The following MRTFA variants were observed in gnomAD, a reference collection of about 807,000 sequenced individuals.
MRTFA encodes myocardin related transcription factor A, also known as myocardin-related transcription factor A.
Under a neutral mutation model 83.5 loss-of-function variants are expected in MRTFA, and 20 were observed. The observed-to-expected ratio is 0.24, with a 90% CI of 0.17 to 0.35. The LOEUF (loss-of-function observed/expected upper bound fraction) is 0.35, where lower values mean the gene tolerates loss of function less well. MRTFA is among the 10% of genes least tolerant of loss of function. MRTFA has a pLI of 1.00. For synonymous variants in MRTFA, 659 were observed against 541.2 expected (o/e 1.22, Z -3.02); for missense variants, 1,200 against 1,224.7 (o/e 0.98, Z 0.30).
At chr22:40,508,513 CAAAAAAA>C (rs1175724448) in intron 3 of MRTFA, among the ~76,000 whole-genome samples, 10 of 26,066 alleles carry the variant, frequency 3.8e-4, no homozygotes, top group Admixed American at 1.5e-3. Flanking sequence ...CTCCGTCTCT[CAAAAAAA>C]AAAAAAAAAA....
Position 40,423,685 on chromosome 22 carries a change from C to A in MRTFA, c.778G>T (p.Val260Phe). ...CGGCCCATCGGAAGTTGAGACACAA[C>A]CTGAGAGGGAAAAAGGGAAGTGAGG... Residue 260 changes from valine (V) to phenylalanine (F), a missense_variant and splice_region_variant, in exon 9 of 15, where the codon GTT (valine) becomes TTT (phenylalanine). Coordinates refer to ENST00000355630, the MANE Select transcript of MRTFA (RefSeq NM_020831.6). 6.5e-7 allele frequency: 1 copy of A among 1,542,892 alleles called. No individual in the cohort carries two copies. The highest frequency in any genetic ancestry group is 8.8e-7 in the Non-Finnish European group (1 of 1,140,684).
At chr22:40,558,007 C>G (rs1211580536) in intron 2 of MRTFA, among the ~76,000 whole-genome samples, 2 of 151,342 alleles carry the variant, frequency 1.3e-5, no homozygotes, top group Non-Finnish European at 2.9e-5. Context: ...CTCCTGGACT[C>G]AAGTGAGCCA....
chr22:40,602,982 A>G (rs1451512957), intron 1 of MRTFA, among the ~76,000 whole-genome samples: 1 of 152,232 alleles, frequency 6.6e-6, no homozygotes, highest in Non-Finnish European at 1.5e-5. Flanking sequence ...TTTACAAGAC[A>G]GTACTTAATC....
intron 5 of MRTFA, among the ~76,000 whole-genome samples, chr22:40,432,814 G>T (rs778583752): frequency 6.6e-6 from 1 of 152,190 alleles, no homozygotes; most frequent in Non-Finnish European, 1.5e-5. Context: ...GTGGGCTCTG[G>T]CTCTATCACC....
intron 3 of MRTFA, among the ~76,000 whole-genome samples, chr22:40,527,674 G>C (rs560842153): frequency 2.0e-5 from 3 of 151,324 alleles, no homozygotes; most frequent in Non-Finnish European, 2.9e-5. Context: ...CAGGAGAATG[G>C]AGTGAACCCA....
At chr22:40,604,813 C>T (rs190329593) in intron 1 of MRTFA, among the ~76,000 whole-genome samples, 11 of 152,214 alleles carry the variant, frequency 7.2e-5, no homozygotes, top group Middle Eastern at 3.4e-3. Context: ...CTATTCAGCA[C>T]GATCACCATG....
At chr22:40,543,526 C>T (rs1208110746) in intron 3 of MRTFA, among the ~76,000 whole-genome samples, 1 of 152,176 alleles carries the variant, frequency 6.6e-6, no homozygotes, top group African/African-American at 2.4e-5. Context: ...CCTCAGATTA[C>T]AGACACACAT....
chr22:40,443,829 C>T (rs1005174169), intron 4 of MRTFA, among the ~76,000 whole-genome samples: 1 of 152,106 alleles, frequency 6.6e-6, no homozygotes, highest in African/African-American at 2.4e-5. Flanking sequence ...TAACAAACAC[C>T]CCTCCCTATC....
chr22:40,458,510 G>A (rs1451866282), intron 4 of MRTFA, among the ~76,000 whole-genome samples: 1 of 152,184 alleles, frequency 6.6e-6, no homozygotes, highest in East Asian at 1.9e-4. Context: ...GGGAACCACT[G>A]AAGCACACTG....
intron 7 of MRTFA, 131 bp downstream of exon 7, chr22:40,429,475 T>TC: frequency 9.3e-7 from 1 of 1,070,400 alleles, no homozygotes; most frequent in Non-Finnish European, 1.4e-6. Context: ...GTGCCTTGGT[T>TC]CTCCCAAGGC....
chr22:40,488,793 A>C (rs1346222367), intron 3 of MRTFA, among the ~76,000 whole-genome samples: 1 of 151,972 alleles, frequency 6.6e-6, no homozygotes, highest in Non-Finnish European at 1.5e-5. Flanking sequence ...AGATGGCGCC[A>C]CTGCACTCCA....
intron 2 of MRTFA, among the ~76,000 whole-genome samples, chr22:40,584,526 TG>T (rs746747218): frequency 1.3e-5 from 2 of 148,402 alleles, no homozygotes; most frequent in Non-Finnish European, 3.0e-5. Flanking sequence ...CACCTGAGGT[TG>T]GGAGTTTGAG....
At chr22:40,497,684 C>T (rs1269085516) in intron 3 of MRTFA, among the ~76,000 whole-genome samples, 1 of 151,272 alleles carries the variant, frequency 6.6e-6, no homozygotes, top group African/African-American at 2.4e-5. Context: ...ACTTGGGAGG[C>T]GGAGGTTGCA....
At chr22:40,634,263 T>A (rs2056671246) in intron 1 of MRTFA, among the ~76,000 whole-genome samples, 1 of 152,120 alleles carries the variant, frequency 6.6e-6, no homozygotes, top group South Asian at 2.1e-4. Flanking sequence ...ATTCTTTAAC[T>A]TTTTTGTGGA....
chr22:40,432,589 C>T (rs1212222570), intron 5 of MRTFA, among the ~76,000 whole-genome samples: 2 of 151,402 alleles, frequency 1.3e-5, no homozygotes, highest in Non-Finnish European at 2.9e-5. Context: ...TGGATCAAGA[C>T]CAGCATAGGA....
rs376181765 is a variant in MRTFA, at chr22:40,611,359, T to G, written c.-83-16624A>C. On this transcript the variant is annotated intron_variant, in intron 1 of 14. Coordinates refer to ENST00000355630, the MANE Select transcript of MRTFA (RefSeq NM_020831.6). Reference sequence around the variant, plus strand: ...TCGAGTGATCCTCCTGCTTCAGCCTTCCAAGTAGCTAGAACTAAAGGCACT... The same window carrying G: ...TCGAGTGATCCTCCTGCTTCAGCCTGCCAAGTAGCTAGAACTAAAGGCACT... 4.6e-5 allele frequency among the ~76,000 whole-genome samples: 7 copies of G among 152,016 alleles called. 1 individual carries two copies. The East Asian group carries it at 1.2e-3, about 25-fold the overall frequency.
At chr22:40,515,460 G>A (rs933098463) in intron 3 of MRTFA, among the ~76,000 whole-genome samples, 3 of 151,806 alleles carry the variant, frequency 2.0e-5, no homozygotes, top group East Asian at 1.9e-4. Flanking sequence ...TTGGGAGGCC[G>A]AGTCAGGTGG....
chr22:40,557,830 G>A (rs940725974), intron 2 of MRTFA, among the ~76,000 whole-genome samples: 1 of 152,190 alleles, frequency 6.6e-6, no homozygotes, highest in East Asian at 1.9e-4. Flanking sequence ...CTGGAGTGCA[G>A]TGGCAAGTTC....
At chr22:40,429,821 G>C (rs2053031715) in intron 6 of MRTFA, 54 bp from the exon 7 acceptor site, 3 of 1,533,738 alleles carry the variant, frequency 2.0e-6, no homozygotes, top group Non-Finnish European at 2.6e-6. Flanking sequence ...ACGTGGTTCT[G>C]CCCCGGGAAC....
Sources: allele counts gnomAD v4.1 joint callset (sites outside exome capture counted in the v4.1 genomes callset), GRCh38; gene constraint gnomAD v4.1.1; transcripts MANE v1.5; gene names NCBI Gene and HGNC (gene_info 2026-07-23, HGNC 2026-07-21).